FNBP4: variants seen among roughly 807,000 people sequenced by gnomAD.
FNBP4 encodes formin-binding protein 4.
Under a neutral mutation model 119.3 loss-of-function variants are expected in FNBP4, and 34 were observed. The ratio of observed to expected loss-of-function variants is 0.28; its 90% CI spans 0.22 to 0.38. The LOEUF is 0.38. Among genes scored for constraint, FNBP4 ranks in the 10% least tolerant of loss-of-function variants. FNBP4 has a pLI of 1.00. For missense variants in FNBP4, 1,112 were observed against 1,228.9 expected, an observed-to-expected ratio of 0.90 and a Z score of 1.42; for synonymous variants, 462 against 430.6, an observed-to-expected ratio of 1.07 and a Z score of -0.90.
In FNBP4 at chr11:47,732,674, G is replaced by C. The variant is rs2097568823; in HGVS notation, c.1687-4C>G. The stretch of plus-strand genomic sequence containing the variant: ...CCCGCCAGTCTGCAATTCGAGTCTA[G>C]AATAAACAGACAAATAAGTTAAAGA... On this transcript the variant is annotated splice_region_variant and splice_polypyrimidine_tract_variant and intron_variant, in intron 10 of 16. Transcript: ENST00000263773. The surrounding 1 kb of genome is among the most constrained non-coding windows in gnomAD (Gnocchi z 4.2). 1 of 1,613,614 alleles carries C rather than the reference G, an allele frequency of 6.2e-7. No individual in the cohort carries two copies. The highest frequency in any genetic ancestry group is 8.5e-7 in the Non-Finnish European group (1 of 1,179,674).
chr11:47,730,526 C>T (rs1361451276), intron 12 of FNBP4, among the ~76,000 whole-genome samples: 5 of 152,152 alleles, frequency 3.3e-5, no homozygotes, highest in Non-Finnish European at 5.9e-5. Context: ...GCATCAATTT[C>T]GATAAGTTTT....
At position 47,754,528 on chromosome 11, in the gene FNBP4, C is replaced by T. The variant is rs1430701450; in HGVS notation, c.450G>A (p.Ala150=). The change falls in exon 3 of 17, where the codon GCG becomes GCA. Residue 150 remains alanine (A), a splice_region_variant and synonymous_variant. Coordinates refer to ENST00000263773, the MANE Select transcript of FNBP4 (RefSeq NM_015308.5). ...AACTCCAAACGAAAGCACCACTAAC[C>T]GCTAGGAAGTTGGCCAATGTACTAT... ...DIDSTLANFL[A]EIDAITAPQP... 2.5e-6 allele frequency: 4 copies of T among 1,612,854 alleles called. No individual in the cohort carries two copies. Among genetic ancestry groups the T allele is most frequent in the Non-Finnish European group, 3.4e-6 (4 of 1,179,680 alleles).
intron 1 of FNBP4, 55 bp from the exon 2 acceptor site, chr11:47,765,417 A>AAGAAAAGAAAAGAAAAGAAG (rs2097645341): frequency 7.6e-7 from 1 of 1,313,738 alleles, no homozygotes; most frequent in Non-Finnish European, 1.1e-6. Context: ...AAGAAAAGAA[A>AAGAAAAGAAAAGAAAAGAAG]ACTGCAGTCA....
intron 5 of FNBP4, 44 bp from the exon 6 acceptor site, chr11:47,751,080 T>C: frequency 6.2e-7 from 1 of 1,612,586 alleles, no homozygotes; most frequent in Middle Eastern, 1.7e-4. Context: ...AGACAAATAC[T>C]ATCAGCAAAA....
At chr11:47,753,381 C>T (rs747565561) in intron 3 of FNBP4, among the ~76,000 whole-genome samples, 9 of 152,060 alleles carry the variant, frequency 5.9e-5, no homozygotes, top group African/African-American at 1.2e-4. Context: ...GCGGCCAAGG[C>T]GGGCGGATCA....
chr11:47,718,316 C>T (rs1016352339), intron 16 of FNBP4, among the ~76,000 whole-genome samples: 1 of 152,110 alleles, frequency 6.6e-6, no homozygotes, highest in African/African-American at 2.4e-5. Flanking sequence ...TAGGTCCAAG[C>T]GATTCTCCTG....
In FNBP4 at chr11:47,734,561, A is replaced by G. The variant is rs561639254; in HGVS notation, c.1582-432T>C. 2.6e-4 allele frequency among the ~76,000 whole-genome samples: 40 copies of G among 152,252 alleles called. No homozygotes were observed. The South Asian group carries it at 8.1e-3, about 31-fold the overall frequency. Reference sequence around the variant, plus strand: ...ACAACATGGAATTCAATAGTTGCAAATGGATCCCAATATTGAAAAGCTAAA... The same window carrying G: ...ACAACATGGAATTCAATAGTTGCAAGTGGATCCCAATATTGAAAAGCTAAA... On this transcript the variant is annotated intron_variant, in intron 9 of 16. Transcript: ENST00000263773.
chr11:47,763,437 AAAG>A (rs1214005085), intron 2 of FNBP4, among the ~76,000 whole-genome samples: 7 of 140,196 alleles, frequency 5.0e-5, no homozygotes, highest in African/African-American at 1.8e-4. Context: ...AAAAAAAAAA[AAAG>A]ATTTGTTGCT....
chr11:47,745,436 G>T (rs560914041), intron 7 of FNBP4, among the ~76,000 whole-genome samples: 1 of 152,206 alleles, frequency 6.6e-6, no homozygotes, highest in African/African-American at 2.4e-5. Context: ...TTGAGATAAG[G>T]ACTGAGATAC....
chr11:47,765,293 C>G lies in FNBP4; in HGVS notation c.290G>C (p.Arg97Thr). 6.2e-7 allele frequency: 1 copy of G among 1,611,394 alleles called. No individual in the cohort carries two copies. The highest frequency in any genetic ancestry group is 8.5e-7 in the Non-Finnish European group (1 of 1,179,062). Residue 97 changes from arginine (R) to threonine (T), a missense_variant, in exon 2 of 17, where the codon AGA becomes ACA. Coordinates refer to ENST00000263773, the MANE Select transcript of FNBP4 (RefSeq NM_015308.5). ...ACCTGTTGCTTTAACAGCTGTGGGT[C>G]TAGTGGTCATGACTGGTTTTGGAGG... is the stretch of plus-strand genomic sequence containing the variant. ...QNPPKPVMTT[R>T]PTAVKATGGL... is the part of the protein sequence containing the mutation.
chr11:47,753,428 T>C (rs763824255), intron 3 of FNBP4, among the ~76,000 whole-genome samples: 5 of 151,998 alleles, frequency 3.3e-5, no homozygotes, highest in Non-Finnish European at 7.4e-5. Flanking sequence ...CTGGCCAATA[T>C]GGTGAAAACT....
chr11:47,719,939 G>C lies in FNBP4; in HGVS notation c.2953C>G (p.Gln985Glu). The C allele has an allele frequency of 6.2e-7, 1 of 1,613,684 alleles. No individual in the cohort carries two copies. Among genetic ancestry groups the C allele is most frequent in the Non-Finnish European group, 8.5e-7 (1 of 1,179,810 alleles). Residue 985 changes from glutamine to glutamate, a missense_variant, in exon 16 of 17, where the codon CAG becomes GAG. Coordinates refer to ENST00000263773, the MANE Select transcript of FNBP4 (RefSeq NM_015308.5). ...TTCCTTTTCTTTTACCTAACCAGCT[G>C]CTGCTGTTTCCACTCTTCAATTCGC... ...QKRIEEWKQQ[Q>E]LVSGMAERNA... is the part of the protein sequence containing the mutation.
Position 47,732,803 on chromosome 11 carries a change from A to G in FNBP4, c.1687-133T>C, listed in dbSNP as rs2135114326. ...AGGACAGTAGACCAGAGAGGAAAAT[A>G]AACCCCATCTTCATCTCATAAAATA... On this transcript the variant is annotated intron_variant, in intron 10 of 16. Coordinates refer to ENST00000263773, the MANE Select transcript of FNBP4 (RefSeq NM_015308.5). The surrounding 1 kb of genome is among the most constrained non-coding windows in gnomAD (Gnocchi z 4.2). 8.8e-6 allele frequency: 7 copies of G among 798,596 alleles called. No homozygotes were observed. The East Asian group carries it at 1.6e-4, about 18-fold the overall frequency. 49.5% of individuals were successfully genotyped at this position (798,596 alleles called of 1,614,324 possible). A position where few individuals can be genotyped will look rare whatever the true frequency, so the allele number is the denominator to read the frequency against.
chr11:47,765,381 A>AAAG lies in FNBP4; in HGVS notation c.221-22_221-20dup, dbSNP rs377396982. The AAAG allele has an allele frequency of 1.1e-4, 120 of 1,138,694 alleles. No homozygotes were observed. The African/African-American group carries it at 1.9e-3, about 18-fold the overall frequency. 70.5% of individuals were successfully genotyped at this position (1,138,694 alleles called of 1,614,324 possible). On this transcript the variant is annotated intron_variant, in intron 1 of 16. Coordinates refer to ENST00000263773, the MANE Select transcript of FNBP4 (RefSeq NM_015308.5). ...TGTTCATCTGGATTAAAAAAAAAGA[A>AAAG]AAGAAAAGAAAAGAAAAGAAAAGAA...
At chr11:47,742,142 T>A (rs915031858) in intron 8 of FNBP4, among the ~76,000 whole-genome samples, 3 of 152,146 alleles carry the variant, frequency 2.0e-5, no homozygotes, top group African/African-American at 4.8e-5. Context: ...TGTAAACGTA[T>A]ATAAAGAACA....
chr11:47,756,302 C>T (rs1374868559), intron 2 of FNBP4, among the ~76,000 whole-genome samples: 2 of 151,968 alleles, frequency 1.3e-5, no homozygotes, highest in African/African-American at 4.8e-5. Context: ...TAGACTTTTC[C>T]AGCTATTACT....
At chr11:47,750,108 G>GT (rs1345716098) in intron 6 of FNBP4, among the ~76,000 whole-genome samples, 2 of 152,120 alleles carry the variant, frequency 1.3e-5, no homozygotes, top group Non-Finnish European at 2.9e-5. Context: ...GCCAGCTGCA[G>GT]TGGCTCATGC....
chr11:47,729,745 A>G, intron 12 of FNBP4: 1 of 985,458 alleles, frequency 1.0e-6, no homozygotes, highest in Non-Finnish European at 1.2e-6. Flanking sequence ...CTTCTTTAAA[A>G]GATAGCTGGT....
chr11:47,723,460 G>A (rs1223085607), intron 14 of FNBP4, 144 bp from the exon 15 acceptor site: 1 of 1,282,458 alleles, frequency 7.8e-7, no homozygotes, highest in Non-Finnish European at 1.0e-6. Context: ...TTTGCTGGTA[G>A]CAAAATATAT....
Sources: gnomAD v4.1 joint callset for allele counts (sites outside exome capture counted in the v4.1 genomes callset) on GRCh38, gnomAD v4.1.1 for gene constraint, Gnocchi (gnomAD v3.1) non-coding constraint, MANE v1.5 for transcripts, NCBI Gene and HGNC (gene_info 2026-07-23, HGNC 2026-07-21) for gene names.